ETNK1: variants seen among roughly 807,000 people sequenced by gnomAD.
The protein encoded by ETNK1 is ethanolamine kinase 1, also known as putative protein product of Nbla10396.
In ETNK1, 8 loss-of-function variants were observed where a neutral mutation model predicts 45.1. The ratio of observed to expected loss-of-function variants is 0.18; its 90% confidence interval spans 0.10 to 0.32. The LOEUF (loss-of-function observed/expected upper bound fraction) is 0.32. Ranked by LOEUF, ETNK1 falls within the 10% of genes least tolerant of loss-of-function variation. ETNK1 has a pLI of 1.00. For missense variants in ETNK1, 302 were observed against 430.6 expected (o/e 0.70, Z 2.64); for synonymous variants, 152 against 151.9 (o/e 1.00, Z -0.01).
intron 2 of ETNK1, among the ~76,000 whole-genome samples, chr12:22,657,065 T>G (rs1953951875): frequency 6.6e-6 from 1 of 152,164 alleles, no homozygotes; most frequent in African/African-American, 2.4e-5. Context: ...TTTGATTTTA[T>G]CACCACCTGG....
At chr12:22,671,627 A>G in intron 5 of ETNK1, among the ~76,000 whole-genome samples, 2 of 151,884 alleles carry the variant, frequency 1.3e-5, no homozygotes, top group South Asian at 2.1e-4. Context: ...TCACGAGGTC[A>G]GGAGATTGAG....
At chr12:22,631,920 A>G (rs1026939944) in intron 1 of ETNK1, among the ~76,000 whole-genome samples, 3 of 152,156 alleles carry the variant, frequency 2.0e-5, no homozygotes, top group Non-Finnish European at 2.9e-5. Flanking sequence ...ATTGTGAAAA[A>G]CAGCAAACAT....
In ETNK1 at chr12:22,686,041, T is replaced by C. The variant is rs1017456829; in HGVS notation, c.*1087T>C. 1 of 152,330 alleles carries C rather than the reference T, an allele frequency of 6.6e-6. No homozygotes were observed. The highest frequency in any genetic ancestry group is 1.5e-5 in the Non-Finnish European group (1 of 67,802). The allele number at this position is 152,330 out of a possible 1,614,324, so 9.4% of individuals were successfully genotyped here. On this transcript the variant is annotated 3_prime_UTR_variant, in exon 8 of 8. Coordinates refer to ENST00000266517, the MANE Select transcript of ETNK1 (RefSeq NM_018638.5). ...CTTGATACATGTAAGTTCAGCGTTA[T>C]ATGTTGAGGCAGTTATATAATTAAA...
intron 4 of ETNK1, 134 bp from the exon 5 acceptor site, chr12:22,671,138 T>C: frequency 1.4e-6 from 1 of 717,794 alleles, no homozygotes; most frequent in Middle Eastern, 3.8e-4. Context: ...TTACCCTGTA[T>C]TGTCTCACAA....
At chr12:22,665,808 A>G (rs1264250861) in intron 4 of ETNK1, among the ~76,000 whole-genome samples, 1 of 152,100 alleles carries the variant, frequency 6.6e-6, no homozygotes, top group Non-Finnish European at 1.5e-5. Flanking sequence ...TATAGGCTAG[A>G]TAGTAGGTAG....
At chr12:22,650,426 A>G (rs1460782879) in intron 2 of ETNK1, among the ~76,000 whole-genome samples, 1 of 151,934 alleles carries the variant, frequency 6.6e-6, no homozygotes, top group Admixed American at 6.6e-5. Context: ...TTTTGTAGAT[A>G]TTCTTTATCA....
intron 6 of ETNK1, among the ~76,000 whole-genome samples, chr12:22,674,725 A>G (rs1029847104): frequency 6.6e-6 from 1 of 152,250 alleles, no homozygotes; most frequent in Non-Finnish European, 1.5e-5. Context: ...CACATAGCTC[A>G]TCAATTCTTA....
rs375786141 is a variant in ETNK1 at position 22,628,059 on chromosome 12, G to A, written c.156+2473G>A. Among the ~76,000 whole-genome samples the A allele has an allele frequency of 1.1e-4, 16 of 152,132 alleles. 1 individual carries two copies. The highest frequency in any genetic ancestry group is 3.9e-4 in the African/African-American group (16 of 41,554). On this transcript the variant is annotated intron_variant, in intron 1 of 7. Transcript: ENST00000266517. ...TAAAGGAGATGGTGAGGTTTTCGGA[G>A]TATAGTAGCAGAATAGGCAGAGTAA...
chr12:22,674,390 T>C (rs932270456), intron 6 of ETNK1, among the ~76,000 whole-genome samples: 7 of 152,204 alleles, frequency 4.6e-5, no homozygotes, highest in African/African-American at 1.7e-4. Flanking sequence ...TCTCTACAGA[T>C]AGACCCTAGT....
chr12:22,690,366 T>G lies in ETNK1; in HGVS notation c.*5412T>G, dbSNP rs1954293939. The G allele has an allele frequency of 6.6e-6, 1 of 152,566 alleles. No homozygotes were observed. The highest frequency in any genetic ancestry group is 2.4e-5 in the African/African-American group (1 of 41,460). The allele number at this position is 152,566 out of a possible 1,614,324, so 9.5% of individuals were successfully genotyped here. On this transcript the variant is annotated 3_prime_UTR_variant, in exon 8 of 8. Coordinates refer to ENST00000266517, the MANE Select transcript of ETNK1 (RefSeq NM_018638.5). ...TCATGTTCAAAATTTAAGTTTTACA[T>G]TTTTACTACTGTTAATTTAAATAAA... is the stretch of plus-strand genomic sequence containing the variant.
At chr12:22,665,588 T>A (rs1011165028) in intron 4 of ETNK1, among the ~76,000 whole-genome samples, 3 of 152,108 alleles carry the variant, frequency 2.0e-5, no homozygotes, top group Non-Finnish European at 4.4e-5. Context: ...GGCTGGATAG[T>A]CTCCATTGCA....
In ETNK1 at chr12:22,625,504, AG is replaced by A; in HGVS notation, c.76del (p.Glu26SerfsTer9). 1 of 1,606,454 alleles carries A rather than the reference AG, an allele frequency of 6.2e-7. No homozygotes were observed. The highest frequency in any genetic ancestry group is 8.5e-7 in the Non-Finnish European group (1 of 1,177,070). ...CTGAACGTCACCGTTCAGGATCAGG[AG>A]GAGCATCGCTGCCGGGAGGGGGCCC... Reference protein sequence around the residue: ...PKLNVTVQDQEEHRCREGALS... With the variant: ...PKLNVTVQDQXEHRCREGALS... On this transcript the variant is annotated frameshift_variant, in exon 1 of 8. Transcript: ENST00000266517. LOFTEE classifies it high-confidence loss of function.
rs3983448 is a variant in ETNK1, at chr12:22,686,851, ATTTTTTTTTTTTTT to A, written c.*1912_*1925del. On this transcript the variant is annotated 3_prime_UTR_variant, in exon 8 of 8. Transcript: ENST00000266517. Reference sequence around the variant, plus strand: ...AGATAAAGAATGTGTAATACTCTTAATTTTTTTTTTTTTTTTTTTTTTTTTTTTGCTTTCTGCCT... The same window carrying A: ...AGATAAAGAATGTGTAATACTCTTAATTTTTTTTTTTTTTGCTTTCTGCCT... 4.3e-5 allele frequency: 3 copies of A among 69,268 alleles called. No homozygotes were observed. The highest frequency in any genetic ancestry group is 8.3e-5 in the Non-Finnish European group (3 of 36,070). 4.3% of individuals were successfully genotyped at this position (69,268 alleles called of 1,614,324 possible).
intron 1 of ETNK1, among the ~76,000 whole-genome samples, chr12:22,631,952 A>T (rs551459151): frequency 1.1e-4 from 17 of 152,312 alleles, no homozygotes; most frequent in African/African-American, 3.6e-4. Context: ...GATGAATCAT[A>T]AATTGTTGTA....
chr12:22,684,506 G>A lies in ETNK1; in HGVS notation c.969G>A (p.Leu323=), dbSNP rs1226507501. 2 of 1,610,098 alleles carry A rather than the reference G, an allele frequency of 1.2e-6. No individual in the cohort carries two copies. The highest frequency in any genetic ancestry group is 1.3e-5 in the African/African-American group (1 of 74,728). ...AGGCTTCTCATTTCTTTTGGGGATT[G>A]TGGGCTTTGATTCAAGCCAAATACT... The part of the protein sequence containing the change: ...FALASHFFWG[L]WALIQAKYST... Residue 323 remains leucine (L), a synonymous_variant, in exon 7 of 8, where the codon TTG becomes TTA. Coordinates refer to ENST00000266517, the MANE Select transcript of ETNK1 (RefSeq NM_018638.5).
intron 2 of ETNK1, among the ~76,000 whole-genome samples, chr12:22,647,566 G>A (rs1953822663): frequency 1.3e-5 from 2 of 151,820 alleles, no homozygotes; most frequent in African/African-American, 4.8e-5. Context: ...TCTAATACAT[G>A]CAAAATGGCT....
At chr12:22,640,502 GT>G (rs1177517018) in intron 1 of ETNK1, among the ~76,000 whole-genome samples, 1 of 149,104 alleles carries the variant, frequency 6.7e-6, no homozygotes, top group East Asian at 2.0e-4. Flanking sequence ...TGAAATTGTT[GT>G]TTTTAAATAT....
At chr12:22,678,699 C>T (rs944416264) in intron 6 of ETNK1, among the ~76,000 whole-genome samples, 4 of 152,130 alleles carry the variant, frequency 2.6e-5, no homozygotes, top group Admixed American at 6.5e-5. Context: ...GAGCTTTTTA[C>T]GATTAGTTTC....
intron 1 of ETNK1, among the ~76,000 whole-genome samples, chr12:22,636,877 C>T (rs1342778036): frequency 6.6e-6 from 1 of 152,036 alleles, no homozygotes; most frequent in Non-Finnish European, 1.5e-5. Flanking sequence ...AACAGGCTTT[C>T]AGAACGTGTA....
Sources: gnomAD v4.1 joint callset for allele counts (sites outside exome capture counted in the v4.1 genomes callset) on GRCh38, gnomAD v4.1.1 for gene constraint, MANE v1.5 for transcripts, NCBI Gene and HGNC (gene_info 2026-07-23, HGNC 2026-07-21) for gene names.